APC: variants seen among roughly 807,000 people sequenced by gnomAD.
The protein encoded by APC is adenomatous polyposis coli protein.
In APC, 72 loss-of-function variants were observed where a neutral mutation model predicts 247.0. The observed-to-expected ratio is 0.29, with a 90% confidence interval of 0.24 to 0.35. The LOEUF (loss-of-function observed/expected upper bound fraction) is 0.35. Among genes scored for constraint, APC ranks in the 10% least tolerant of loss-of-function variants. The probability of loss-of-function intolerance (pLI) is 1.00; values close to 1 mark genes in which losing one functional copy is unlikely to be tolerated. For missense variants in APC, 3,400 were observed against 3,360.7 expected (o/e 1.01, Z -0.29); for synonymous variants, 1,254 against 1,162.5 (o/e 1.08, Z -1.60).
intron 14 of APC, chr5:112,830,023 A>G (rs1448180914): frequency 1.3e-5 from 2 of 152,142 alleles, no homozygotes; most frequent in Non-Finnish European, 2.9e-5. Context: ...TCACCCAGCT[A>G]GTCCTCCTAT....
In APC at chr5:112,841,114, T is replaced by TGAGGTGAATGATGA; in HGVS notation, c.5522_5523insGGTGAATGATGAGA (p.Asp1841GlufsTer27). 6.2e-7 allele frequency: 1 copy of TGAGGTGAATGATGA among 1,613,176 alleles called. No individual in the cohort carries two copies. The highest frequency in any genetic ancestry group is 8.5e-7 in the Non-Finnish European group (1 of 1,179,136). ...ATAGAGTCAGAGGAAGTTTTGCTTT[T>TGAGGTGAATGATGA]GATTCACCTCATCATTACACGCCTA... On this transcript the variant is annotated frameshift_variant, in exon 16 of 16. Coordinates refer to ENST00000257430, the MANE Select transcript of APC (RefSeq NM_000038.6). LOFTEE classifies it high-confidence loss of function. The surrounding 1 kb of genome is among the most constrained non-coding windows in gnomAD (Gnocchi z 4.6).
At chr5:112,809,112 G>A (rs1761717997) in intron 8 of APC, among the ~76,000 whole-genome samples, 1 of 151,870 alleles carries the variant, frequency 6.6e-6, no homozygotes, top group African/African-American at 2.4e-5. Context: ...AGCACTTTGG[G>A]AAGCAAAGGC....
Position 112,743,234 on chromosome 5 carries a change from T to C in APC, c.-19+5309T>C, listed in dbSNP as rs190716486. Among the ~76,000 whole-genome samples the C allele has an allele frequency of 3.4e-3, 514 of 152,342 alleles. 6 individuals are homozygous for C. The highest frequency in any genetic ancestry group is 0.014 in the Admixed American group (217 of 15,300). On this transcript the variant is annotated intron_variant, in intron 1 of 15. Transcript: ENST00000257430. ...TTCTCTGACCCTTCTGCCTCCTTCTTAAAAGAACCTTTGTGATTACATTGG... is the reference window on the plus strand; with the variant it reads ...TTCTCTGACCCTTCTGCCTCCTTCTCAAAAGAACCTTTGTGATTACATTGG...
intron 4 of APC, 112 bp downstream of exon 4, chr5:112,767,502 C>A: frequency 1.2e-6 from 1 of 840,766 alleles, no homozygotes; most frequent in Non-Finnish European, 1.8e-6. Flanking sequence ...ACACTTAGAG[C>A]ATTTTGCATT....
intron 5 of APC, chr5:112,778,047 A>C: frequency 4.8e-6 from 1 of 206,376 alleles, no homozygotes; most frequent in Non-Finnish European, 1.0e-5. Context: ...CCGCTTAAGG[A>C]AATATCCCAC....
chr5:112,753,443 A>G lies in APC; in HGVS notation c.-18-1430A>G, dbSNP rs991788662. 2.6e-5 allele frequency among the ~76,000 whole-genome samples: 4 copies of G among 152,314 alleles called. No homozygotes were observed. The South Asian group carries it at 8.3e-4, about 32-fold the overall frequency. ...ATACCTTTTTTTATTAATCCTAATAATATCACTGTAAGTTATGTTGAAGCA... is the reference window on the plus strand; with the variant it reads ...ATACCTTTTTTTATTAATCCTAATAGTATCACTGTAAGTTATGTTGAAGCA... On this transcript the variant is annotated intron_variant, in intron 1 of 15. Transcript: ENST00000257430.
intron 4 of APC, among the ~76,000 whole-genome samples, chr5:112,774,243 T>C (rs2149811123): frequency 6.6e-6 from 1 of 152,284 alleles, no homozygotes; most frequent in Middle Eastern, 3.4e-3. Context: ...ATACCTAGTA[T>C]AGATTGAGCA....
chr5:112,728,840 T>C (rs937272207), intron 1 of APC, among the ~76,000 whole-genome samples: 2 of 152,224 alleles, frequency 1.3e-5, no homozygotes, highest in African/African-American at 4.8e-5. Context: ...GGTCCTGTAA[T>C]ATCTGTGGAT....
chr5:112,721,921 GT>G (rs1189275230), intron 1 of APC, among the ~76,000 whole-genome samples: 1 of 151,976 alleles, frequency 6.6e-6, no homozygotes, highest in African/African-American at 2.4e-5. Context: ...TTTTAAGAAA[GT>G]TTACGAATTT....
At chr5:112,731,823 G>A (rs753878907) in intron 1 of APC, among the ~76,000 whole-genome samples, 7 of 152,080 alleles carry the variant, frequency 4.6e-5, no homozygotes, top group Non-Finnish European at 8.8e-5. Flanking sequence ...GTGCAGTGGC[G>A]TGATCTCTGT....
chr5:112,708,275 C>T (rs1277896678), intron 1 of APC, among the ~76,000 whole-genome samples: 2 of 152,196 alleles, frequency 1.3e-5, no homozygotes, highest in African/African-American at 4.8e-5. Flanking sequence ...GGGAAAATAC[C>T]TGATAGCCCG....
At chr5:112,813,357 A>T (rs925128453) in intron 8 of APC, among the ~76,000 whole-genome samples, 1 of 152,228 alleles carries the variant, frequency 6.6e-6, no homozygotes, top group African/African-American at 2.4e-5. Flanking sequence ...AACATGACTT[A>T]TACAGAAGTT....
chr5:112,815,232 C>T lies in APC; in HGVS notation c.835-263C>T, dbSNP rs566783834. On this transcript the variant is annotated intron_variant, in intron 8 of 15. Transcript: ENST00000257430. ...TTTAGATCTATGAAAAATTACTACCCTAGAATTTCTTCAGTCTTTGGTTAA... is the reference window on the plus strand; with the variant it reads ...TTTAGATCTATGAAAAATTACTACCTTAGAATTTCTTCAGTCTTTGGTTAA... 2.0e-4 allele frequency among the ~76,000 whole-genome samples: 31 copies of T among 152,258 alleles called. 1 individual carries two copies. Among genetic ancestry groups the T allele is most frequent in the Admixed American group, 1.2e-3 (18 of 15,288 alleles).
At chr5:112,834,591 T>G (rs1188150481) in intron 14 of APC, among the ~76,000 whole-genome samples, 1 of 152,116 alleles carries the variant, frequency 6.6e-6, no homozygotes, top group African/African-American at 2.4e-5. Context: ...TTTTCTTTTT[T>G]CAAGCAACCC....
intron 14 of APC, among the ~76,000 whole-genome samples, chr5:112,833,884 C>T (rs1344728227): frequency 6.6e-6 from 1 of 152,098 alleles, no homozygotes; most frequent in East Asian, 1.9e-4. Flanking sequence ...CTGCAACTTG[C>T]TCTTGTCATT....
At chr5:112,743,944 TCCTCCCAACTGAG>T (rs1753330547) in intron 1 of APC, among the ~76,000 whole-genome samples, 1 of 152,124 alleles carries the variant, frequency 6.6e-6, no homozygotes, top group African/African-American at 2.4e-5. Context: ...GCTCAAGCAG[TCCTCCCAACTGAG>T]CCTCCCAAGT....
chr5:112,844,168 C>T lies in APC; in HGVS notation c.*42C>T, dbSNP rs748994938. On this transcript the variant is annotated 3_prime_UTR_variant, in exon 16 of 16. Coordinates refer to ENST00000257430, the MANE Select transcript of APC (RefSeq NM_000038.6). The stretch of plus-strand genomic sequence containing the variant: ...AACTAAGAAAATTCTATGTTAATTA[C>T]AACTGCTATATAGACATTTTGTTTC... The T allele has an allele frequency of 6.6e-7, 1 of 1,525,102 alleles. No individual in the cohort carries two copies. Among genetic ancestry groups the T allele is most frequent in the Non-Finnish European group, 9.1e-7 (1 of 1,103,194 alleles). 94.5% of individuals were successfully genotyped at this position (1,525,102 alleles called of 1,614,324 possible). A position where few individuals can be genotyped will look rare whatever the true frequency, so the allele number is the denominator to read the frequency against.
At position 112,840,587 on chromosome 5, in the gene APC, C is replaced by G. The variant is rs1561596883; in HGVS notation, c.4993C>G (p.Pro1665Ala). The G allele has an allele frequency of 6.2e-7, 1 of 1,614,064 alleles. No homozygotes were observed. The highest frequency in any genetic ancestry group is 8.5e-7 in the Non-Finnish European group (1 of 1,179,992). The part of the protein sequence containing the change: ...TSLSDLTIES[P>A]PNELAAGEGV... ...TCTAAGTGATCTAACAATCGAATCCCCTCCAAATGAGTTAGCTGCTGGAGA... is the reference window on the plus strand; with the variant it reads ...TCTAAGTGATCTAACAATCGAATCCGCTCCAAATGAGTTAGCTGCTGGAGA... Residue 1665 changes from proline to alanine, a missense_variant, in exon 16 of 16, where the codon CCT becomes GCT. By Grantham distance (27) the Pro-to-Ala change is conservative (BLOSUM62 -1). Around this residue, in one of 9 missense-constraint regions of APC, gnomAD observed 1,788 missense variants for 1,649.5 expected, o/e 1.08. Coordinates refer to ENST00000257430, the MANE Select transcript of APC (RefSeq NM_000038.6). This position sits in a 1 kb window ranked among gnomAD's most constrained non-coding sequence, Gnocchi z 4.1.
At chr5:112,821,233 C>T (rs974218999) in intron 10 of APC, among the ~76,000 whole-genome samples, 7 of 152,090 alleles carry the variant, frequency 4.6e-5, no homozygotes, top group East Asian at 1.9e-4. Flanking sequence ...GGGCTAAGCA[C>T]GGTGGCTCGT....
Sources: allele counts gnomAD v4.1 joint callset (sites outside exome capture counted in the v4.1 genomes callset), GRCh38; gene constraint gnomAD v4.1.1; regional missense constraint gnomAD v4.1.1; non-coding constraint Gnocchi (gnomAD v3.1); transcripts MANE v1.5; gene names NCBI Gene and HGNC (gene_info 2026-07-23, HGNC 2026-07-21).